MTRF1: variants seen among roughly 807,000 people sequenced by gnomAD.
MTRF1 encodes peptide chain release factor 1, mitochondrial.
A neutral mutation model predicts 62.9 loss-of-function variants in MTRF1; 51 were observed. That is an observed-to-expected ratio of 0.81 (90% CI 0.65 to 1.02). The LOEUF (loss-of-function observed/expected upper bound fraction) is 1.02. Among genes scored for constraint, MTRF1 ranks in the 50% least tolerant of loss-of-function variants. MTRF1 has a pLI of 0.00. For missense variants in MTRF1, 446 were observed against 530.0 expected, an observed-to-expected ratio of 0.84 and a Z score of 1.56; for synonymous variants, 158 against 181.9, an observed-to-expected ratio of 0.87 and a Z score of 1.06.
At chr13:41,311,353 C>T in the MTRF1 span, 2 of 614,740 alleles carry the variant, frequency 3.3e-6, no homozygotes, top group African/African-American at 1.9e-5. Flanking sequence ...CTTCCTTCTC[C>T]ATTGCCACCC....
the MTRF1 span, among the ~76,000 whole-genome samples, chr13:41,307,997 C>A: frequency 6.6e-6 from 1 of 152,084 alleles, no homozygotes; most frequent in African/African-American, 2.4e-5. Context: ...TGCGTGACTG[C>A]GCTTCCCTGG....
chr13:41,226,069 GAGTTAT>G (rs1177787944), intron 8 of MTRF1, among the ~76,000 whole-genome samples: 3 of 152,002 alleles, frequency 2.0e-5, no homozygotes, highest in Non-Finnish European at 2.9e-5. Flanking sequence ...ATCTCACATA[GAGTTAT>G]AGTACAAGCA....
At chr13:41,256,609 C>A (rs146555948) in intron 2 of MTRF1, among the ~76,000 whole-genome samples, 167 of 152,142 alleles carry the variant, frequency 1.1e-3, no homozygotes, top group African/African-American at 3.6e-3. Flanking sequence ...CAGGCATGAG[C>A]CACCGCACCC....
At chr13:41,240,192 G>A in intron 6 of MTRF1, 69 bp downstream of exon 6, 1 of 1,342,458 alleles carries the variant, frequency 7.4e-7, no homozygotes, top group African/African-American at 1.5e-5. Flanking sequence ...GATTTTCCTA[G>A]AAGCTAAGGC....
At chr13:41,220,054 C>T (rs541163879) in intron 9 of MTRF1, among the ~76,000 whole-genome samples, 8 of 140,010 alleles carry the variant, frequency 5.7e-5, no homozygotes, top group East Asian at 2.1e-4. Flanking sequence ...CTGCTGGGGG[C>T]GCGGTGGCTC....
rs112762192 is a variant in MTRF1 at position 41,231,016 on chromosome 13, G to A, written c.988+2874C>T. 5.5e-3 allele frequency among the ~76,000 whole-genome samples: 831 copies of A among 152,274 alleles called. 8 individuals are homozygous for A. The highest frequency in any genetic ancestry group is 0.018 in the African/African-American group (748 of 41,568). ...GCTGGGATTACAGGCGTGAGCCACT[G>A]CACCTGGCCCCCACCCCGCTTTTTT... On this transcript the variant is annotated intron_variant, in intron 7 of 9. Transcript: ENST00000379480.
chr13:41,228,884 G>A (rs1027109250), intron 7 of MTRF1, among the ~76,000 whole-genome samples: 8 of 152,198 alleles, frequency 5.3e-5, no homozygotes, highest in African/African-American at 1.4e-4. Flanking sequence ...TAGCAGGGAC[G>A]GTTCCTAGTC....
In MTRF1 at chr13:41,226,431, C is replaced by T. The variant is rs1354808703; in HGVS notation, c.1125+1G>A. ...AAATTATTATACCAAGTAAATCTTA[C>T]CTGCAGTTTTCTAGCACTTTGTTGC... On this transcript the variant is annotated splice_donor_variant, in intron 8 of 9. Transcript: ENST00000379480. LOFTEE classifies it high-confidence loss of function. The T allele has an allele frequency of 6.2e-7, 1 of 1,606,598 alleles. No homozygotes were observed. The highest frequency in any genetic ancestry group is 1.7e-5 in the Admixed American group (1 of 57,692).
At chr13:41,273,322 T>A in the MTRF1 span, among the ~76,000 whole-genome samples, 2 of 132,418 alleles carry the variant, frequency 1.5e-5, no homozygotes, top group Admixed American at 1.5e-4. Context: ...CGAGACTCCG[T>A]CTCAAAAAAA....
chr13:41,227,738 G>A (rs1217538125), intron 7 of MTRF1, among the ~76,000 whole-genome samples: 4 of 152,204 alleles, frequency 2.6e-5, no homozygotes, highest in African/African-American at 9.7e-5. Flanking sequence ...ATATTTTGCT[G>A]GAGATGTAAA....
At chr13:41,246,633 G>T (rs889937299) in intron 5 of MTRF1, among the ~76,000 whole-genome samples, 4 of 152,140 alleles carry the variant, frequency 2.6e-5, no homozygotes, top group Non-Finnish European at 1.5e-5. Flanking sequence ...GGGCACAGAT[G>T]ATATGAAAAA....
the MTRF1 span, among the ~76,000 whole-genome samples, chr13:41,310,745 T>A: frequency 6.6e-6 from 1 of 152,204 alleles, no homozygotes; most frequent in African/African-American, 2.4e-5. Context: ...AGGCTTCTAC[T>A]TAGAGTCTGA....
chr13:41,256,756 A>G (rs971408927), intron 2 of MTRF1, among the ~76,000 whole-genome samples: 2 of 152,218 alleles, frequency 1.3e-5, no homozygotes, highest in African/African-American at 2.4e-5. Context: ...TTGCAATCAT[A>G]TAAAATTATT....
chr13:41,296,294 A>G, the MTRF1 span, among the ~76,000 whole-genome samples: 1 of 152,000 alleles, frequency 6.6e-6, no homozygotes, highest in African/African-American at 2.4e-5. Context: ...GGCTGGTCTT[A>G]AACTCCCGGC....
At chr13:41,259,178 C>T (rs183612946) in intron 2 of MTRF1, among the ~76,000 whole-genome samples, 22 of 152,266 alleles carry the variant, frequency 1.4e-4, no homozygotes, top group African/African-American at 4.3e-4. Context: ...GCTGTAAAAT[C>T]GTTATAGTCA....
intron 6 of MTRF1, 44 bp downstream of exon 6, chr13:41,240,215 ACC>A: frequency 6.5e-7 from 1 of 1,532,558 alleles, no homozygotes; most frequent in South Asian, 1.3e-5. Context: ...CCAGCACAAT[ACC>A]CGTTGACATG....
At position 41,223,519 on chromosome 13, in the gene MTRF1, T is replaced by C. The variant is rs185276052; in HGVS notation, c.1126-165A>G. ...ATGGGCAGAACTTAATGTTTAATAC[T>C]ACAGGTTTGTAGAGCTCGGTTATAG... On this transcript the variant is annotated intron_variant, in intron 8 of 9. Coordinates refer to ENST00000379480, the MANE Select transcript of MTRF1 (RefSeq NM_004294.4). 3.9e-5 allele frequency among the ~76,000 whole-genome samples: 6 copies of C among 152,346 alleles called. No individual in the cohort carries two copies. The East Asian group carries it at 1.2e-3, about 29-fold the overall frequency.
the MTRF1 span, among the ~76,000 whole-genome samples, chr13:41,298,272 G>A: frequency 2.9e-4 from 44 of 152,288 alleles, no homozygotes; most frequent in African/African-American, 9.9e-4. Context: ...TAGCTCATGA[G>A]TTTGAAAGGC....
At chr13:41,238,515 T>C (rs1349796284) in intron 6 of MTRF1, among the ~76,000 whole-genome samples, 1 of 152,110 alleles carries the variant, frequency 6.6e-6, no homozygotes, top group Non-Finnish European at 1.5e-5. Flanking sequence ...GGAAAGTTCT[T>C]TACAGAAGAA....
Sources: gnomAD v4.1 joint callset for allele counts (sites outside exome capture counted in the v4.1 genomes callset) on GRCh38, gnomAD v4.1.1 for gene constraint, MANE v1.5 for transcripts, NCBI Gene and HGNC (gene_info 2026-07-23, HGNC 2026-07-21) for gene names.